TPGS2: variants seen among roughly 807,000 people sequenced by gnomAD.
TPGS2 encodes tubulin polyglutamylase complex subunit 2.
Under a neutral mutation model 31.1 loss-of-function variants are expected in TPGS2, and 26 were observed. The observed-to-expected ratio is 0.84, with a 90% confidence interval of 0.61 to 1.16. The LOEUF (loss-of-function observed/expected upper bound fraction) is 1.16. TPGS2 is among the 50% of genes most tolerant of loss of function. The pLI, the probability that TPGS2 is intolerant of heterozygous loss-of-function variation, is 0.00. For synonymous variants in TPGS2, 130 were observed against 136.6 expected, an observed-to-expected ratio of 0.95 and a Z score of 0.34; for missense variants, 351 against 363.8, an observed-to-expected ratio of 0.96 and a Z score of 0.29.
downstream of TPGS2, among the ~76,000 whole-genome samples, chr18:36,791,307 T>C (rs1382657968): frequency 6.6e-6 from 1 of 152,176 alleles, no homozygotes; most frequent in African/African-American, 2.4e-5. Flanking sequence ...TGAGAATGGA[T>C]TAATATACCA....
At chr18:36,821,302 G>A (rs183992375) in intron 1 of TPGS2, among the ~76,000 whole-genome samples, 1 of 152,308 alleles carries the variant, frequency 6.6e-6, no homozygotes, top group East Asian at 1.9e-4. Flanking sequence ...ACATTAGCGT[G>A]TAGAAGCCAT....
chr18:36,821,963 A>T (rs929446440), intron 1 of TPGS2, among the ~76,000 whole-genome samples: 12 of 152,234 alleles, frequency 7.9e-5, no homozygotes, highest in African/African-American at 2.9e-4. Context: ...ACATACTTTC[A>T]TAAAGCCTGG....
In TPGS2 at chr18:36,796,803, G is replaced by A; in HGVS notation, c.*2C>T. 3 of 1,592,106 alleles carry A rather than the reference G, an allele frequency of 1.9e-6. No individual in the cohort carries two copies. The highest frequency in any genetic ancestry group is 2.6e-6 in the Non-Finnish European group (3 of 1,173,948). On this transcript the variant is annotated 3_prime_UTR_variant, in exon 7 of 7. Coordinates refer to ENST00000334295, the MANE Select transcript of TPGS2 (RefSeq NM_015476.4). ...CTGGTAGGGAGTTGGAGGGAGGGGT[G>A]CTCACTTCCGGGTGGGGTTTCCAGA...
intron 2 of TPGS2, among the ~76,000 whole-genome samples, chr18:36,811,093 T>G (rs967085237): frequency 6.6e-6 from 1 of 152,060 alleles, no homozygotes; most frequent in Non-Finnish European, 1.5e-5. Flanking sequence ...CATGGCCAGG[T>G]GAAGAGCTGC....
intron 1 of TPGS2, among the ~76,000 whole-genome samples, chr18:36,821,985 C>G (rs1040914941): frequency 6.6e-6 from 1 of 152,212 alleles, no homozygotes; most frequent in African/African-American, 2.4e-5. Flanking sequence ...AGAAGGGAAT[C>G]AGCAGATGAG....
chr18:36,784,212 A>G lies in TPGS2; in HGVS notation c.658-1081T>C, dbSNP rs573968913. Among the ~76,000 whole-genome samples, 8 of 152,370 alleles carry G rather than the reference A, an allele frequency of 5.3e-5. No homozygotes were observed. The South Asian group carries it at 1.7e-3, about 32-fold the overall frequency. Reference sequence around the variant, plus strand: ...CAAGCTTGTGGTGATTCCTCACGGTATCCTCTAAGAAATGATACAACCATC... The same window carrying G: ...CAAGCTTGTGGTGATTCCTCACGGTGTCCTCTAAGAAATGATACAACCATC... On this transcript the variant is annotated intron_variant, in intron 6 of 6. Transcript: ENST00000587129.
rs2044740411 is a variant in TPGS2, at chr18:36,800,270, T to C, written c.424A>G (p.Ser142Gly). The C allele has an allele frequency of 1.2e-6, 2 of 1,614,072 alleles. No individual in the cohort carries two copies. The highest frequency in any genetic ancestry group is 3.3e-5 in the Admixed American group (2 of 60,002). ...QPEKPHFDSR[S>G]VIFELDSCNG... ...CATGAATCCAGCTCAAATATCACAC[T>C]GCGAGAGTCAAAGTGAGGCTTCTCT... Residue 142 changes from serine to glycine, a missense_variant, in exon 5 of 7, where the codon AGT becomes GGT. By Grantham distance (56) the Ser-to-Gly change is moderately conservative (BLOSUM62 0). Coordinates refer to ENST00000334295, the MANE Select transcript of TPGS2 (RefSeq NM_015476.4).
At position 36,803,296 on chromosome 18, in the gene TPGS2, C is replaced by T. The variant is rs566953520; in HGVS notation, c.382+2078G>A. Among the ~76,000 whole-genome samples, 12 of 152,294 alleles carry T rather than the reference C, an allele frequency of 7.9e-5. No individual in the cohort carries two copies. The South Asian group carries it at 2.3e-3, about 29-fold the overall frequency. On this transcript the variant is annotated intron_variant, in intron 4 of 6. Coordinates refer to ENST00000334295, the MANE Select transcript of TPGS2 (RefSeq NM_015476.4). ...CCCTGTCCAGCCTCCCCACCCCAAG[C>T]CTCTGGTAACCACTGCTGATCTGTT...
At position 36,797,037 on chromosome 18, in the gene TPGS2, A is replaced by G; in HGVS notation, c.671T>C (p.Met224Thr). 1 of 1,593,920 alleles carries G rather than the reference A, an allele frequency of 6.3e-7. No homozygotes were observed. The highest frequency in any genetic ancestry group is 8.5e-7 in the Non-Finnish European group (1 of 1,173,768). The change falls in exon 7 of 7, where the codon ATG (methionine) becomes ACG (threonine). Residue 224 changes from methionine (M) to threonine (T), a missense_variant. Physicochemically the swap from Met to Thr is moderately conservative, Grantham distance 81. Coordinates refer to ENST00000334295, the MANE Select transcript of TPGS2 (RefSeq NM_015476.4). ...TGTGTTGTAGGTGATAGGTTTATAC[A>G]TGCTGAACCATTGCTGTAAGGCAGA... ...ISPQAKQWFS[M>T]YKPITYNTNL... is the part of the protein sequence containing the mutation.
downstream of TPGS2, among the ~76,000 whole-genome samples, chr18:36,782,329 C>A (rs1240271779): frequency 6.6e-6 from 1 of 152,112 alleles, no homozygotes; most frequent in Non-Finnish European, 1.5e-5. Context: ...TTTTATTGGG[C>A]CCAGCATCTT....
At position 36,828,924 on chromosome 18, in the gene TPGS2, G is replaced by A; in HGVS notation, c.-157C>T. Reference sequence around the variant, plus strand: ...GGGGCCCGGGGTTGGTCTGACAGCAGCAGCTCCGTGGGGCGCCGGTTCCCG... The same window carrying A: ...GGGGCCCGGGGTTGGTCTGACAGCAACAGCTCCGTGGGGCGCCGGTTCCCG... On this transcript the variant is annotated 5_prime_UTR_variant, in exon 1 of 7. Coordinates refer to ENST00000334295, the MANE Select transcript of TPGS2 (RefSeq NM_015476.4). The A allele has an allele frequency of 9.9e-7, 1 of 1,012,962 alleles. No homozygotes were observed. Among genetic ancestry groups the A allele is most frequent in the Non-Finnish European group, 1.4e-6 (1 of 716,920 alleles). The allele number at this position is 1,012,962 out of a possible 1,614,324, so 62.7% of individuals were successfully genotyped here.
Position 36,805,410 on chromosome 18 carries a change from G to A in TPGS2, c.346C>T (p.Pro116Ser), listed in dbSNP as rs963675605. 3.7e-6 allele frequency: 6 copies of A among 1,613,858 alleles called. No individual in the cohort carries two copies. The highest frequency in any genetic ancestry group is 1.3e-5 in the African/African-American group (1 of 74,904). Residue 116 changes from proline to serine, a missense_variant, in exon 4 of 7, where the codon CCC (proline) becomes TCC (serine). Physicochemically the swap from Pro to Ser is moderately conservative, Grantham distance 74. Coordinates refer to ENST00000334295, the MANE Select transcript of TPGS2 (RefSeq NM_015476.4). ...TCGTCCTCCAGGTCTGCCAGAGTGG[G>A]TGCATTAGGAAGTGAATACATGGAA... ...QSSMYSLPNA[P>S]TLADLEDDTH... is the part of the protein sequence containing the mutation.
chr18:36,781,356 T>G (rs569368973), downstream of TPGS2, among the ~76,000 whole-genome samples: 4 of 152,274 alleles, frequency 2.6e-5, no homozygotes, highest in East Asian at 7.7e-4. Flanking sequence ...TTTGTCCTAC[T>G]TTTAAAACCT....
At chr18:36,781,971 T>C (rs992275929), downstream of TPGS2, 5 of 976,212 alleles carry the variant, frequency 5.1e-6, no homozygotes, top group Non-Finnish European at 4.9e-6. Context: ...TCCATATGCT[T>C]CTAAATAACA....
rs1449662590 is a variant in TPGS2, at chr18:36,818,912, C to T, written c.147G>A (p.Met49Ile). The change falls in exon 2 of 7, where the codon ATG becomes ATA. Residue 49 changes from methionine to isoleucine, a missense_variant. By Grantham distance (10) the Met-to-Ile change is conservative (BLOSUM62 1). Coordinates refer to ENST00000334295, the MANE Select transcript of TPGS2 (RefSeq NM_015476.4). ...CACTTACTTGTTCCCAGGAAGAAAT[C>T]ATATGACGTTCAGCAGGAGGCTTTT... ...IIEKPPAERH[M>I]ISSWEQKNNC... is the part of the protein sequence containing the mutation. 3 of 1,613,546 alleles carry T rather than the reference C, an allele frequency of 1.9e-6. No individual in the cohort carries two copies. The African/African-American group carries it at 4.0e-5, about 22-fold the overall frequency.
downstream of TPGS2, chr18:36,781,683 C>G: frequency 1.1e-6 from 1 of 874,574 alleles, no homozygotes; most frequent in Non-Finnish European, 1.4e-6. Flanking sequence ...ATTCCTGAAC[C>G]TGGGGATATG....
Position 36,800,202 on chromosome 18 carries a change from T to C in TPGS2, c.492A>G (p.Lys164=), listed in dbSNP as rs1468968459. ...ACGCTTGTAAACAATTCTTACCTGG[T>C]TTCCCACTTTTGTAGACAAGGCAAA... ...GKVCLVYKSG[K]PALAEDTEIW... is the part of the protein sequence containing the mutation. Residue 164 remains lysine, a synonymous_variant, in exon 5 of 7, where the codon AAA becomes AAG. Coordinates refer to ENST00000334295, the MANE Select transcript of TPGS2 (RefSeq NM_015476.4). 1.2e-6 allele frequency: 2 copies of C among 1,613,914 alleles called. No individual in the cohort carries two copies. The highest frequency in any genetic ancestry group is 1.1e-5 in the South Asian group (1 of 91,062).
At chr18:36,783,540 G>C (rs1332649953) in intron 6 of TPGS2, among the ~76,000 whole-genome samples, 1 of 152,234 alleles carries the variant, frequency 6.6e-6, no homozygotes, top group Non-Finnish European at 1.5e-5. Context: ...TGGGGATGGA[G>C]TGGGAGGGTG....
chr18:36,803,176 T>C (rs567744401), intron 4 of TPGS2, among the ~76,000 whole-genome samples: 1 of 152,294 alleles, frequency 6.6e-6, no homozygotes, highest in South Asian at 2.1e-4. Context: ...GAAATATACA[T>C]TATTAGCTAT....
Sources: allele counts gnomAD v4.1 joint callset (sites outside exome capture counted in the v4.1 genomes callset), GRCh38; gene constraint gnomAD v4.1.1; transcripts MANE v1.5; gene names NCBI Gene and HGNC (gene_info 2026-07-23, HGNC 2026-07-21).